The following CAAP1 variants were observed in gnomAD, a reference collection of about 807,000 sequenced individuals.
CAAP1 encodes the protein caspase activity and apoptosis inhibitor 1.
Under a neutral mutation model 34.0 loss-of-function variants are expected in CAAP1, and 20 were observed. That is an observed-to-expected ratio of 0.59 (90% CI 0.41 to 0.86). CAAP1 has a LOEUF of 0.86. CAAP1 is among the 40% of genes least tolerant of loss of function. CAAP1 has a pLI of 0.00. For synonymous variants in CAAP1, 213 were observed against 166.7 expected, an observed-to-expected ratio of 1.28 and a Z score of -2.14; for missense variants, 538 against 450.5, an observed-to-expected ratio of 1.19 and a Z score of -1.76.
chr9:26,889,868 A>C (rs915282689), intron 1 of CAAP1, among the ~76,000 whole-genome samples: 11 of 107,092 alleles, frequency 1.0e-4, no homozygotes, highest in South Asian at 8.9e-4. Flanking sequence ...ACTCTGTCTC[A>C]AAAAAAAAAA....
chr9:26,891,502 C>A (rs1293898951), intron 1 of CAAP1, among the ~76,000 whole-genome samples: 1 of 152,078 alleles, frequency 6.6e-6, no homozygotes, highest in Non-Finnish European at 1.5e-5. Flanking sequence ...AATTTCAGTT[C>A]TCACACTCTC....
chr9:26,879,117 TC>T (rs1296172516), intron 4 of CAAP1, among the ~76,000 whole-genome samples: 1 of 152,242 alleles, frequency 6.6e-6, no homozygotes, highest in Admixed American at 6.5e-5. Flanking sequence ...CAGGTATCTT[TC>T]CATGACATTA....
At chr9:26,884,970 A>G (rs1283777067) in intron 3 of CAAP1, 85 bp from the exon 4 acceptor site, 4 of 1,018,012 alleles carry the variant, frequency 3.9e-6, no homozygotes, top group Non-Finnish European at 5.9e-6. Flanking sequence ...ATAATCTTTA[A>G]AAGTGATGCA....
chr9:26,884,400 G>A (rs985604151), intron 4 of CAAP1, among the ~76,000 whole-genome samples: 2 of 152,080 alleles, frequency 1.3e-5, no homozygotes, highest in South Asian at 4.1e-4. Context: ...GTGAAATGAG[G>A]CTATTATTGC....
At chr9:26,857,757 C>G (rs946266190) in intron 5 of CAAP1, among the ~76,000 whole-genome samples, 2 of 152,188 alleles carry the variant, frequency 1.3e-5, no homozygotes, top group East Asian at 3.9e-4. Flanking sequence ...AAGGTAGTTC[C>G]TTTTATTAGC....
At position 26,844,475 on chromosome 9, in the gene CAAP1, C is replaced by T. The variant is rs1822549672; in HGVS notation, c.740-1828G>A. Among the ~76,000 whole-genome samples the T allele has an allele frequency of 1.3e-5, 2 of 152,178 alleles. 1 individual carries two copies. The highest frequency in any genetic ancestry group is 3.8e-4 in the East Asian group (2 of 5,202). On this transcript the variant is annotated intron_variant, in intron 5 of 5. Transcript: ENST00000333916. ...GTCACTGATTCTGAATAAGAAACTA[C>T]AGGCTGTATAAAATATTTTAAAATA...
chr9:26,876,706 G>T (rs1172618554), intron 4 of CAAP1, among the ~76,000 whole-genome samples: 1 of 152,094 alleles, frequency 6.6e-6, no homozygotes, highest in South Asian at 2.1e-4. Context: ...TATGGCCTAG[G>T]TATGTAGCAG....
intron 4 of CAAP1, among the ~76,000 whole-genome samples, chr9:26,883,763 T>A (rs1051437156): frequency 6.6e-6 from 1 of 152,158 alleles, no homozygotes; most frequent in East Asian, 1.9e-4. Context: ...ATTTAGATAA[T>A]TTAAGAAACT....
intron 4 of CAAP1, among the ~76,000 whole-genome samples, chr9:26,882,743 C>T (rs1355957876): frequency 6.6e-6 from 1 of 152,244 alleles, no homozygotes; most frequent in African/African-American, 2.4e-5. Context: ...ACACTCAACA[C>T]CAGCATGTGA....
At chr9:26,871,128 C>A (rs984911642) in intron 4 of CAAP1, among the ~76,000 whole-genome samples, 3 of 151,974 alleles carry the variant, frequency 2.0e-5, no homozygotes, top group Non-Finnish European at 2.9e-5. Context: ...TGGCTGAACA[C>A]CATTGACCCT....
intron 4 of CAAP1, among the ~76,000 whole-genome samples, chr9:26,873,270 A>AAGT: frequency 6.6e-6 from 1 of 152,200 alleles, no homozygotes; most frequent in Non-Finnish European, 1.5e-5. Flanking sequence ...TTTGTGTTTT[A>AAGT]ACTTATTTTG....
intron 1 of CAAP1, among the ~76,000 whole-genome samples, chr9:26,889,893 A>C (rs946692216): frequency 1.1e-4 from 17 of 150,186 alleles, no homozygotes; most frequent in Non-Finnish European, 2.2e-4. Context: ...AAAAAAAGGA[A>C]CCTCAATACA....
In CAAP1 at chr9:26,889,831, G is replaced by A. The variant is rs188414643; in HGVS notation, c.304-2318C>T. 3.3e-3 allele frequency among the ~76,000 whole-genome samples: 447 copies of A among 135,092 alleles called. 2 individuals are homozygous for A. Among genetic ancestry groups the A allele is most frequent in the Middle Eastern group, 0.019 (4 of 210 alleles). 88.6% of individuals were successfully genotyped at this position (135,092 alleles called of 152,430 possible). A position where few individuals can be genotyped will look rare whatever the true frequency, so the allele number is the denominator to read the frequency against. ...TGCAGTGAGCCGAGATCACGCCACTGCACTCCAGCCTGGGCGACAGAGCGA... is the reference window on the plus strand; with the variant it reads ...TGCAGTGAGCCGAGATCACGCCACTACACTCCAGCCTGGGCGACAGAGCGA... On this transcript the variant is annotated intron_variant, in intron 1 of 5. Transcript: ENST00000333916.
At chr9:26,846,415 C>CAAAAAAAAAAAAAAAAAAA in intron 5 of CAAP1, among the ~76,000 whole-genome samples, 1 of 61,740 alleles carries the variant, frequency 1.6e-5, no homozygotes, top group Admixed American at 2.1e-4. Flanking sequence ...GACTCTGTCT[C>CAAAAAAAAAAAAAAAAAAA]AAAAAAAAAA....
At chr9:26,864,443 G>A (rs1165884152) in intron 4 of CAAP1, among the ~76,000 whole-genome samples, 1 of 152,040 alleles carries the variant, frequency 6.6e-6, no homozygotes, top group Non-Finnish European at 1.5e-5. Context: ...CCCTCATCAA[G>A]CCCCTTCCTC....
At chr9:26,881,413 G>T (rs1024898309) in intron 4 of CAAP1, among the ~76,000 whole-genome samples, 1 of 152,196 alleles carries the variant, frequency 6.6e-6, no homozygotes, top group Non-Finnish European at 1.5e-5. Flanking sequence ...CAACCTGGTG[G>T]GAGATCACTG....
chr9:26,859,095 A>T (rs1014911584), intron 5 of CAAP1, among the ~76,000 whole-genome samples: 7 of 151,850 alleles, frequency 4.6e-5, no homozygotes, highest in African/African-American at 1.7e-4. Context: ...TGGTACTGCT[A>T]CACTTTGATC....
chr9:26,856,707 T>C lies in CAAP1; in HGVS notation c.739+4359A>G, dbSNP rs565722761. Among the ~76,000 whole-genome samples the C allele has an allele frequency of 1.7e-4, 26 of 152,356 alleles. No homozygotes were observed. In the South Asian group the frequency reaches 2.5e-3, roughly 15 times the overall value. On this transcript the variant is annotated intron_variant, in intron 5 of 5. Transcript: ENST00000333916. Reference sequence around the variant, plus strand: ...AAAATTTTGTCTAATGATAATGCTATCTATTGGTTCTATTTTTTTTCTCCA... The same window carrying C: ...AAAATTTTGTCTAATGATAATGCTACCTATTGGTTCTATTTTTTTTCTCCA...
chr9:26,870,982 A>C (rs1176933521), intron 4 of CAAP1, among the ~76,000 whole-genome samples: 1 of 152,116 alleles, frequency 6.6e-6, no homozygotes. Context: ...CTGCCCATCA[A>C]TGCAGTTCTA....
Sources: allele counts gnomAD v4.1 joint callset (sites outside exome capture counted in the v4.1 genomes callset), GRCh38; gene constraint gnomAD v4.1.1; transcripts MANE v1.5; gene names NCBI Gene and HGNC (gene_info 2026-07-23, HGNC 2026-07-21).